Variants in MIPOL1 observed in about 807,000 individuals in gnomAD.
MIPOL1 encodes mirror-image polydactyly gene 1 protein.
Under a neutral mutation model 60.9 loss-of-function variants are expected in MIPOL1, and 57 were observed. The ratio of observed to expected loss-of-function variants is 0.94; its 90% CI spans 0.76 to 1.17. The LOEUF (loss-of-function observed/expected upper bound fraction) is 1.17. MIPOL1 is among the 50% of genes most tolerant of loss of function. The pLI is 0.00. For synonymous variants in MIPOL1, 179 were observed against 168.8 expected, an observed-to-expected ratio of 1.06 and a Z score of -0.47; for missense variants, 551 against 511.6, an observed-to-expected ratio of 1.08 and a Z score of -0.74.
intron 1 of MIPOL1, among the ~76,000 whole-genome samples, chr14:37,219,902 T>TGAGTACTCAATGTACATTGAGTAATG (rs1343074567): frequency 6.6e-6 from 1 of 152,210 alleles, no homozygotes; most frequent in Non-Finnish European, 1.5e-5. Flanking sequence ...ATGTACTTAT[T>TGAGTACTCAATGTACATTGAGTAATG]TAGTTTGAGT....
At chr14:37,308,606 A>C in intron 9 of MIPOL1, 87 bp downstream of exon 9, 1 of 931,878 alleles carries the variant, frequency 1.1e-6, no homozygotes, top group Non-Finnish European at 1.5e-6. Flanking sequence ...TGGCCCAGAT[A>C]TTCTTAATTC....
At chr14:37,491,938 A>T (rs1035947563) in intron 11 of MIPOL1, among the ~76,000 whole-genome samples, 5 of 152,198 alleles carry the variant, frequency 3.3e-5, no homozygotes, top group South Asian at 2.1e-4. Flanking sequence ...TGTCATTCAG[A>T]ATTAAGGCCT....
intron 1 of MIPOL1, among the ~76,000 whole-genome samples, chr14:37,201,201 G>A (rs1212001387): frequency 1.3e-5 from 2 of 151,978 alleles, no homozygotes; most frequent in Non-Finnish European, 2.9e-5. Context: ...CACCACACCT[G>A]GCCAGTATTG....
intron 11 of MIPOL1, among the ~76,000 whole-genome samples, chr14:37,436,845 T>C (rs1318200753): frequency 6.6e-6 from 1 of 152,214 alleles, no homozygotes; most frequent in Non-Finnish European, 1.5e-5. Flanking sequence ...GATTCAATTA[T>C]ATGTGAGGTA....
At chr14:37,483,114 CT>C (rs35311326) in intron 11 of MIPOL1, among the ~76,000 whole-genome samples, 145 of 140,806 alleles carry the variant, frequency 1.0e-3, no homozygotes, top group Non-Finnish European at 1.2e-3. Flanking sequence ...TAGACACAAC[CT>C]TTTTTTTTTT....
chr14:37,482,469 A>C (rs2094886103), intron 11 of MIPOL1, among the ~76,000 whole-genome samples: 1 of 152,176 alleles, frequency 6.6e-6, no homozygotes, highest in Non-Finnish European at 1.5e-5. Flanking sequence ...AAAGAGGTTT[A>C]ATTGACTCAC....
At chr14:37,538,498 TG>T (rs1234237218) in intron 12 of MIPOL1, among the ~76,000 whole-genome samples, 31 of 152,254 alleles carry the variant, frequency 2.0e-4, no homozygotes, top group African/African-American at 7.5e-4. Context: ...CCAAAAGATA[TG>T]AATTGCTGGG....
intron 10 of MIPOL1, 107 bp downstream of exon 10, chr14:37,369,731 G>A (rs1484450077): frequency 4.2e-6 from 3 of 711,606 alleles, no homozygotes; most frequent in African/African-American, 3.6e-5. Flanking sequence ...AGTGAGCTGT[G>A]GTGTTTGCCA....
intron 1 of MIPOL1, among the ~76,000 whole-genome samples, chr14:37,228,127 G>A (rs959738811): frequency 1.3e-5 from 2 of 151,908 alleles, no homozygotes; most frequent in Non-Finnish European, 2.9e-5. Context: ...TGTATTGGTG[G>A]GACAGACAAT....
At chr14:37,468,025 G>T (rs905435001) in intron 11 of MIPOL1, among the ~76,000 whole-genome samples, 2 of 149,852 alleles carry the variant, frequency 1.3e-5, no homozygotes, top group Non-Finnish European at 1.5e-5. Flanking sequence ...CTGCGCTCCA[G>T]CCTGGGTGAC....
chr14:37,390,832 T>C (rs1293791944), intron 10 of MIPOL1, among the ~76,000 whole-genome samples: 1 of 151,782 alleles, frequency 6.6e-6, no homozygotes, highest in Non-Finnish European at 1.5e-5. Flanking sequence ...CTGAAGGAGA[T>C]GAGAAAGACA....
At chr14:37,444,487 G>C (rs1396589941) in intron 11 of MIPOL1, among the ~76,000 whole-genome samples, 1 of 152,076 alleles carries the variant, frequency 6.6e-6, no homozygotes, top group Non-Finnish European at 1.5e-5. Context: ...ACCCTAATAA[G>C]AATTACATTT....
At chr14:37,370,730 C>A (rs1053772077) in intron 10 of MIPOL1, among the ~76,000 whole-genome samples, 4 of 152,080 alleles carry the variant, frequency 2.6e-5, no homozygotes, top group Non-Finnish European at 5.9e-5. Flanking sequence ...TTGTCTAATG[C>A]ACTTTTCTTC....
intron 11 of MIPOL1, among the ~76,000 whole-genome samples, chr14:37,443,226 G>A (rs190179881): frequency 1.5e-3 from 227 of 152,028 alleles, no homozygotes; most frequent in Admixed American, 6.2e-3. Flanking sequence ...AATTGAAGCC[G>A]AAAGCAGGAG....
At chr14:37,288,198 G>T (rs2084747052) in intron 7 of MIPOL1, among the ~76,000 whole-genome samples, 1 of 151,174 alleles carries the variant, frequency 6.6e-6, no homozygotes, top group African/African-American at 2.4e-5. Context: ...ATAGAGATGG[G>T]GCCTTGCTGT....
chr14:37,268,573 G>A (rs1301928958), intron 4 of MIPOL1, 85 bp from the exon 5 acceptor site: 10 of 1,018,912 alleles, frequency 9.8e-6, no homozygotes, highest in Non-Finnish European at 1.3e-5. Context: ...TTGCTTACAA[G>A]TTGATACTGT....
At chr14:37,445,150 A>T (rs898174749) in intron 11 of MIPOL1, among the ~76,000 whole-genome samples, 1 of 152,150 alleles carries the variant, frequency 6.6e-6, no homozygotes, top group African/African-American at 2.4e-5. Flanking sequence ...CTGTTTGCAG[A>T]TGACATGATT....
chr14:37,216,411 G>A lies in MIPOL1; in HGVS notation c.-199+18307G>A, dbSNP rs181384516. ...AATCAACTTGGAAACATCAAACTTC[G>A]TTTGCATTATAGACCAAATTGACCT... On this transcript the variant is annotated intron_variant, in intron 1 of 12. Coordinates refer to ENST00000684589, the MANE Select transcript of MIPOL1 (RefSeq NM_001388067.1). Among the ~76,000 whole-genome samples the A allele has an allele frequency of 8.7e-3, 1,216 of 139,574 alleles. 7 individuals are homozygous for A. Among genetic ancestry groups the A allele is most frequent in the Non-Finnish European group, 0.011 (728 of 65,942 alleles). 91.6% of individuals were successfully genotyped at this position (139,574 alleles called of 152,430 possible).
chr14:37,315,723 A>G (rs1162572830), intron 9 of MIPOL1, among the ~76,000 whole-genome samples: 2 of 152,016 alleles, frequency 1.3e-5, no homozygotes, highest in Non-Finnish European at 2.9e-5. Context: ...TCTCTTTTGG[A>G]TATGGTATAT....
Sources: allele counts gnomAD v4.1 joint callset (sites outside exome capture counted in the v4.1 genomes callset), GRCh38; gene constraint gnomAD v4.1.1; transcripts MANE v1.5; gene names NCBI Gene and HGNC (gene_info 2026-07-23, HGNC 2026-07-21).